The following IQSEC1 variants were observed in gnomAD, a reference collection of about 807,000 sequenced individuals.
The protein encoded by IQSEC1 is IQ motif and SEC7 domain-containing protein 1.
Under a neutral mutation model 91.0 loss-of-function variants are expected in IQSEC1, and 31 were observed. The ratio of observed to expected loss-of-function variants is 0.34; its 90% confidence interval spans 0.26 to 0.46. The LOEUF is 0.46. Ranked by LOEUF, IQSEC1 falls within the 20% of genes least tolerant of loss-of-function variation. The pLI is 1.00. For synonymous variants in IQSEC1, 699 were observed against 662.6 expected, an observed-to-expected ratio of 1.05 and a Z score of -0.84; for missense variants, 1,388 against 1,575.6, an observed-to-expected ratio of 0.88 and a Z score of 2.02.
At chr3:12,926,234 C>T (rs1387036089) in intron 3 of IQSEC1, among the ~76,000 whole-genome samples, 1 of 151,734 alleles carries the variant, frequency 6.6e-6, no homozygotes, top group African/African-American at 2.4e-5. Flanking sequence ...CATTTGAACT[C>T]GGGAGGCGCA....
intron 2 of IQSEC1, among the ~76,000 whole-genome samples, chr3:13,119,491 T>C (rs1425667510): frequency 6.6e-6 from 1 of 152,286 alleles, no homozygotes; most frequent in East Asian, 1.9e-4. Flanking sequence ...GCTGCAGCCA[T>C]GCTTTGCAGT....
intron 2 of IQSEC1, among the ~76,000 whole-genome samples, chr3:13,097,384 G>A (rs1029077656): frequency 1.3e-5 from 2 of 152,136 alleles, no homozygotes; most frequent in Non-Finnish European, 2.9e-5. Context: ...CAGTCACTGA[G>A]TCTCCAGCTT....
intron 1 of IQSEC1, among the ~76,000 whole-genome samples, chr3:13,260,459 C>T (rs765589456): frequency 2.0e-4 from 31 of 152,206 alleles, no homozygotes; most frequent in Admixed American, 6.5e-5. Flanking sequence ...TCATTTCTGT[C>T]CAGTAGGGGC....
At chr3:13,050,285 G>C (rs939666040) in intron 1 of IQSEC1, among the ~76,000 whole-genome samples, 1 of 152,092 alleles carries the variant, frequency 6.6e-6, no homozygotes, top group African/African-American at 2.4e-5. Context: ...GCACAGCAGT[G>C]CACAGGCCAG....
chr3:12,978,557 T>G (rs1376536413), intron 1 of IQSEC1, among the ~76,000 whole-genome samples: 1 of 151,630 alleles, frequency 6.6e-6, no homozygotes, highest in Non-Finnish European at 1.5e-5. Flanking sequence ...ACTACAAAAA[T>G]TAGCCGGGCG....
At chr3:12,974,890 A>G (rs548200903) in intron 1 of IQSEC1, among the ~76,000 whole-genome samples, 1 of 152,232 alleles carries the variant, frequency 6.6e-6, no homozygotes, top group Non-Finnish European at 1.5e-5. Flanking sequence ...ACAGGGCTCC[A>G]GGCCCTTGCA....
intron 1 of IQSEC1, among the ~76,000 whole-genome samples, chr3:13,069,476 CT>C (rs748209855): frequency 7.9e-4 from 120 of 152,346 alleles, no homozygotes; most frequent in Non-Finnish European, 1.3e-3. Flanking sequence ...GCTTCGCTTC[CT>C]TCATGAAGGC....
At chr3:13,268,728 A>G (rs1312863155) in intron 1 of IQSEC1, among the ~76,000 whole-genome samples, 1 of 152,222 alleles carries the variant, frequency 6.6e-6, no homozygotes, top group African/African-American at 2.4e-5. Context: ...GGGTGTGTGC[A>G]TTCCACTCTG....
upstream of IQSEC1, among the ~76,000 whole-genome samples, chr3:13,077,348 C>T (rs1241023819): frequency 6.6e-6 from 1 of 152,240 alleles, no homozygotes; most frequent in African/African-American, 2.4e-5. Context: ...CCCTCGCCAG[C>T]CCTGCCCTCC....
intron 1 of IQSEC1, among the ~76,000 whole-genome samples, chr3:13,182,823 G>T (rs190969529): frequency 6.6e-6 from 1 of 152,294 alleles, no homozygotes; most frequent in Admixed American, 6.5e-5. Flanking sequence ...AGCATTAAAT[G>T]ATTTTATGAG....
chr3:12,920,897 G>C (rs946891060), intron 5 of IQSEC1, among the ~76,000 whole-genome samples: 2 of 152,208 alleles, frequency 1.3e-5, no homozygotes, highest in Non-Finnish European at 2.9e-5. Flanking sequence ...GAACACATGT[G>C]ATGTGAGTGC....
intron 1 of IQSEC1, among the ~76,000 whole-genome samples, chr3:13,168,637 C>T (rs143812568): frequency 6.7e-4 from 102 of 152,316 alleles, no homozygotes; most frequent in African/African-American, 2.2e-3. Context: ...CCCTCGGCTC[C>T]CCACTGCAGC....
At chr3:13,084,946 A>C in intron 2 of IQSEC1, among the ~76,000 whole-genome samples, 1 of 144,670 alleles carries the variant, frequency 6.9e-6, no homozygotes, top group African/African-American at 2.5e-5. Context: ...TGTCACCAAC[A>C]AGAAGAAACA....
At chr3:13,007,284 C>T (rs948851892) in intron 1 of IQSEC1, among the ~76,000 whole-genome samples, 5 of 152,214 alleles carry the variant, frequency 3.3e-5, no homozygotes, top group African/African-American at 9.7e-5. Flanking sequence ...AGCTGGTATG[C>T]GGGATCCAGA....
intron 2 of IQSEC1, among the ~76,000 whole-genome samples, chr3:13,154,464 T>TATATATATAG (rs1707054198): frequency 8.3e-6 from 1 of 120,476 alleles, no homozygotes; most frequent in Non-Finnish European, 1.7e-5. Flanking sequence ...TATATATATA[T>TATATATATAG]ATATATATAT....
chr3:13,116,487 C>T (rs1455922875), intron 2 of IQSEC1, among the ~76,000 whole-genome samples: 1 of 152,140 alleles, frequency 6.6e-6, no homozygotes, highest in East Asian at 1.9e-4. Context: ...CAGCAGGGTG[C>T]CAAGAACATA....
intron 1 of IQSEC1, among the ~76,000 whole-genome samples, chr3:13,234,442 C>T (rs1321669662): frequency 6.6e-6 from 1 of 152,208 alleles, no homozygotes; most frequent in African/African-American, 2.4e-5. Context: ...CCACAGATGA[C>T]ACCTCTCCAG....
At chr3:12,985,088 T>G (rs1022845758) in intron 1 of IQSEC1, among the ~76,000 whole-genome samples, 18 of 152,278 alleles carry the variant, frequency 1.2e-4, no homozygotes, top group African/African-American at 4.3e-4. Flanking sequence ...CCTCCCAAAG[T>G]GCTGGGATTA....
intron 1 of IQSEC1, among the ~76,000 whole-genome samples, chr3:13,000,491 A>G (rs1349814004): frequency 6.6e-6 from 1 of 152,214 alleles, no homozygotes; most frequent in Non-Finnish European, 1.5e-5. Flanking sequence ...TAATAAAAAT[A>G]ACAGCTACCA....
Sources: allele counts gnomAD v4.1 joint callset (sites outside exome capture counted in the v4.1 genomes callset), GRCh38; gene constraint gnomAD v4.1.1; transcripts MANE v1.5; gene names NCBI Gene and HGNC (gene_info 2026-07-23, HGNC 2026-07-21).